Variants in MGAT4C observed in about 807,000 individuals in gnomAD.
MGAT4C encodes alpha-1,3-mannosyl-glycoprotein 4-beta-N-acetylglucosaminyltransferase C.
In MGAT4C, 19 loss-of-function variants were observed where a neutral mutation model predicts 40.1. That is an observed-to-expected ratio of 0.47 (90% CI 0.33 to 0.70). MGAT4C has a LOEUF of 0.70. Ranked by LOEUF, MGAT4C falls within the 30% of genes least tolerant of loss-of-function variation. The pLI, the probability that MGAT4C is intolerant of heterozygous loss-of-function variation, is 0.02. For missense variants in MGAT4C, 491 were observed against 563.2 expected (o/e 0.87, Z 1.30); for synonymous variants, 181 against 187.1 (o/e 0.97, Z 0.27).
intron 1 of MGAT4C, among the ~76,000 whole-genome samples, chr12:86,800,554 C>A (rs755465335): frequency 6.6e-6 from 1 of 151,842 alleles, no homozygotes; most frequent in Admixed American, 6.6e-5. Context: ...CCTGCTCATG[C>A]AGATGAATTG....
intron 2 of MGAT4C, among the ~76,000 whole-genome samples, chr12:86,467,610 G>T (rs1957700450): frequency 6.6e-6 from 1 of 151,992 alleles, no homozygotes; most frequent in Non-Finnish European, 1.5e-5. Context: ...ATATAATTTA[G>T]ATATATATTT....
At chr12:86,802,097 T>A (rs541529813) in intron 1 of MGAT4C, among the ~76,000 whole-genome samples, 5 of 152,106 alleles carry the variant, frequency 3.3e-5, no homozygotes, top group South Asian at 4.1e-4. Flanking sequence ...CTCTAAAGTA[T>A]AATTGACACC....
At chr12:86,582,090 G>T (rs1250188351) in intron 2 of MGAT4C, among the ~76,000 whole-genome samples, 2 of 151,378 alleles carry the variant, frequency 1.3e-5, no homozygotes, top group South Asian at 2.1e-4. Flanking sequence ...TCTTGTAAAA[G>T]AGTATAAATG....
chr12:86,334,541 A>G (rs1301744476), intron 3 of MGAT4C, among the ~76,000 whole-genome samples: 1 of 152,160 alleles, frequency 6.6e-6, no homozygotes, highest in Non-Finnish European at 1.5e-5. Flanking sequence ...GAGGTGATTC[A>G]CAGTACCCTA....
intron 2 of MGAT4C, among the ~76,000 whole-genome samples, chr12:86,655,866 A>G (rs1469319005): frequency 9.9e-5 from 15 of 152,106 alleles, no homozygotes; most frequent in Admixed American, 9.8e-4. Context: ...TTAGAAGCAG[A>G]GAATGGCAGA....
At chr12:86,573,501 T>C (rs10858443) in intron 2 of MGAT4C, among the ~76,000 whole-genome samples, 1 of 151,988 alleles carries the variant, frequency 6.6e-6, no homozygotes, top group Non-Finnish European at 1.5e-5. Context: ...TGTTTGATTT[T>C]AGTTAGTGAC....
intron 1 of MGAT4C, among the ~76,000 whole-genome samples, chr12:86,825,289 TGTGA>T (rs78398557): frequency 0.17 from 25,706 of 151,064 alleles, 2,305 homozygotes; most frequent in Middle Eastern, 0.3. Context: ...AATCCATAAA[TGTGA>T]GTAAGATAAT....
chr12:86,308,366 T>C lies in MGAT4C; in HGVS notation c.-57+25699A>G, dbSNP rs146582882. ...ATTCCTGCTGTGCTGAGAGTTTTTA[T>C]ATCAGTTTCTTTACAAATACAGATT... On this transcript the variant is annotated intron_variant, in intron 4 of 7. Coordinates refer to the MGAT4C transcript ENST00000548651. 2.6e-3 allele frequency among the ~76,000 whole-genome samples: 399 copies of C among 150,832 alleles called. 39 individuals are homozygous for C. Among genetic ancestry groups the C allele is most frequent in the African/African-American group, 9.3e-3 (372 of 40,202 alleles).
intron 4 of MGAT4C, among the ~76,000 whole-genome samples, chr12:86,289,427 T>C (rs548614833): frequency 3.3e-5 from 5 of 152,316 alleles, no homozygotes; most frequent in Non-Finnish European, 7.3e-5. Flanking sequence ...AATTTTTTTT[T>C]TCAAGTTATC....
intron 1 of MGAT4C, among the ~76,000 whole-genome samples, chr12:86,104,201 T>C (rs911468523): frequency 2.0e-5 from 3 of 151,510 alleles, no homozygotes; most frequent in East Asian, 1.9e-4. Context: ...GGTGGGCGGA[T>C]TGCTTGAGCC....
chr12:86,288,420 C>A (rs1439161016), intron 4 of MGAT4C, among the ~76,000 whole-genome samples: 1 of 152,174 alleles, frequency 6.6e-6, no homozygotes, highest in East Asian at 1.9e-4. Flanking sequence ...AAGTCTTTGC[C>A]CATGCCTATG....
In MGAT4C at chr12:86,061,590, C is replaced by T. The variant is rs531733136; in HGVS notation, c.-56-11867G>A. On this transcript the variant is annotated intron_variant, in intron 1 of 4. Transcript: ENST00000611864. Reference sequence around the variant, plus strand: ...AAGTGGACTGGCTTAGCAGGTCTCACCCCCATGGAGCCCAGCAAGCTAAGA... The same window carrying T: ...AAGTGGACTGGCTTAGCAGGTCTCATCCCCATGGAGCCCAGCAAGCTAAGA... Among the ~76,000 whole-genome samples the T allele has an allele frequency of 2.6e-3, 403 of 152,180 alleles. 3 individuals carry two copies. Among genetic ancestry groups the T allele is most frequent in the Middle Eastern group, 0.01 (3 of 294 alleles).
intron 2 of MGAT4C, among the ~76,000 whole-genome samples, chr12:86,437,639 C>T (rs1957159301): frequency 6.6e-6 from 1 of 151,658 alleles, no homozygotes; most frequent in South Asian, 2.1e-4. Context: ...TTGTGGTAAC[C>T]CTGCATTGAA....
chr12:86,018,755 A>G (rs1017392911), intron 2 of MGAT4C, among the ~76,000 whole-genome samples: 2 of 152,104 alleles, frequency 1.3e-5, no homozygotes, highest in African/African-American at 4.8e-5. Flanking sequence ...TATATTACAT[A>G]TATAAGGAGA....
chr12:86,775,479 G>A (rs1201563624), intron 1 of MGAT4C, among the ~76,000 whole-genome samples: 1 of 151,056 alleles, frequency 6.6e-6, no homozygotes, highest in Non-Finnish European at 1.5e-5. Context: ...TGAGTATCCA[G>A]TACAAACACA....
chr12:86,707,390 T>C (rs1322677549), intron 2 of MGAT4C, among the ~76,000 whole-genome samples: 2 of 152,136 alleles, frequency 1.3e-5, no homozygotes, highest in African/African-American at 2.4e-5. Flanking sequence ...GAGGAACTTG[T>C]TGGGAACTGG....
At chr12:86,376,447 A>T (rs1955823742) in intron 3 of MGAT4C, among the ~76,000 whole-genome samples, 1 of 152,018 alleles carries the variant, frequency 6.6e-6, no homozygotes, top group South Asian at 2.1e-4. Flanking sequence ...TATATATATG[A>T]AATACAATTT....
intron 1 of MGAT4C, among the ~76,000 whole-genome samples, chr12:86,111,175 C>T (rs1219217542): frequency 2.6e-5 from 4 of 151,552 alleles, no homozygotes; most frequent in Non-Finnish European, 5.9e-5. Flanking sequence ...GTTGTCACAT[C>T]GCACAAGAAA....
At chr12:86,093,476 C>A (rs922915258) in intron 1 of MGAT4C, among the ~76,000 whole-genome samples, 5 of 151,996 alleles carry the variant, frequency 3.3e-5, no homozygotes, top group Non-Finnish European at 4.4e-5. Flanking sequence ...TGCCTGTAAT[C>A]CCAGCACTTT....
Sources: allele counts gnomAD v4.1 joint callset (sites outside exome capture counted in the v4.1 genomes callset), GRCh38; gene constraint gnomAD v4.1.1; transcripts MANE v1.5; gene names NCBI Gene and HGNC (gene_info 2026-07-23, HGNC 2026-07-21).